ARHGAP20: variants seen among roughly 807,000 people sequenced by gnomAD.
ARHGAP20 encodes the protein Rho GTPase activating protein 20.
ARHGAP20 carries 34 observed loss-of-function variants against 73.7 expected under a neutral mutation model. The ratio of observed to expected loss-of-function variants is 0.46; its 90% confidence interval spans 0.35 to 0.61. ARHGAP20 has a LOEUF of 0.61. ARHGAP20 is among the 20% of genes least tolerant of loss of function. The pLI is 0.00. For synonymous variants in ARHGAP20, 523 were observed against 518.2 expected, an observed-to-expected ratio of 1.01 and a Z score of -0.13; for missense variants, 1,314 against 1,420.9, an observed-to-expected ratio of 0.92 and a Z score of 1.21.
intron 12 of ARHGAP20, among the ~76,000 whole-genome samples, chr11:110,584,974 T>TATATGAATATGA (rs1555082429): frequency 1.6e-5 from 1 of 63,044 alleles, no homozygotes; most frequent in Admixed American, 1.7e-4. Context: ...AATATATGAA[T>TATATGAATATGA]ATATATGTGA....
intron 2 of ARHGAP20, among the ~76,000 whole-genome samples, chr11:110,670,985 C>T (rs1035614079): frequency 2.6e-5 from 4 of 151,952 alleles, no homozygotes; most frequent in African/African-American, 9.7e-5. Flanking sequence ...AGAAAAAGTA[C>T]TCTAGGTAAA....
intron 1 of ARHGAP20, among the ~76,000 whole-genome samples, chr11:110,709,500 A>G (rs1271726472): frequency 1.3e-5 from 2 of 152,218 alleles, no homozygotes. Context: ...TAAGATGACA[A>G]TAAAGCAGAA....
In ARHGAP20 at chr11:110,712,248, C is replaced by CA; in HGVS notation, c.-18dup. On this transcript the variant is annotated 5_prime_UTR_variant, in exon 1 of 15. Transcript: ENST00000683387. Reference sequence around the variant, plus strand: ...CGCTTCCATGAAGAAAATCTTCAAACAAATCCCAGCCCAGGAGGAGGCTAC... The same window carrying CA: ...CGCTTCCATGAAGAAAATCTTCAAACAAAATCCCAGCCCAGGAGGAGGCTAC... 1 of 1,327,918 alleles carries CA rather than the reference C, an allele frequency of 7.5e-7. No homozygotes were observed. Among genetic ancestry groups the CA allele is most frequent in the Non-Finnish European group, 9.7e-7 (1 of 1,030,096 alleles). The allele number at this position is 1,327,918 out of a possible 1,614,324, so 82.3% of individuals were successfully genotyped here.
At position 110,703,404 on chromosome 11, in the gene ARHGAP20, T is replaced by A. The variant is rs796590933; in HGVS notation, c.105+8723A>T. On this transcript the variant is annotated intron_variant, in intron 1 of 14. Coordinates refer to ENST00000683387, the MANE Select transcript of ARHGAP20 (RefSeq NM_001384657.1). Reference sequence around the variant, plus strand: ...TAATTCTGGACCCTAGTTCTACCACTTAATTTCTCAGATTTTCTCTAAAAT... The same window carrying A: ...TAATTCTGGACCCTAGTTCTACCACATAATTTCTCAGATTTTCTCTAAAAT... 1.1e-4 allele frequency among the ~76,000 whole-genome samples: 17 copies of A among 152,202 alleles called. 1 individual carries two copies. Among genetic ancestry groups the A allele is most frequent in the African/African-American group, 4.1e-4 (17 of 41,542 alleles).
chr11:110,596,675 A>C (rs1447866562), intron 9 of ARHGAP20, among the ~76,000 whole-genome samples: 4 of 152,120 alleles, frequency 2.6e-5, no homozygotes, highest in East Asian at 1.9e-4. Flanking sequence ...AAACAGGAAC[A>C]CTTTTACACT....
intron 13 of ARHGAP20, among the ~76,000 whole-genome samples, chr11:110,582,676 T>C (rs138923579): frequency 2.2e-3 from 329 of 152,364 alleles, no homozygotes; most frequent in African/African-American, 7.6e-3. Context: ...TAATGTTTTA[T>C]ACCAATGGCT....
intron 11 of ARHGAP20, among the ~76,000 whole-genome samples, chr11:110,588,494 G>A (rs941022486): frequency 6.6e-6 from 1 of 152,138 alleles, no homozygotes; most frequent in Non-Finnish European, 1.5e-5. Flanking sequence ...TAAAACAAAA[G>A]CTTAAGAACT....
Position 110,648,192 on chromosome 11 carries a change from AAT to A in ARHGAP20, c.189-17402_189-17401del, listed in dbSNP as rs1367387535. On this transcript the variant is annotated intron_variant, in intron 2 of 14. Coordinates refer to ENST00000683387, the MANE Select transcript of ARHGAP20 (RefSeq NM_001384657.1). ...ATGTAAATATATATATATATATGTA[AAT>A]ATATATATATATGTAAATATATATA... Among the ~76,000 whole-genome samples the A allele has an allele frequency of 8.7e-3, 1,052 of 120,248 alleles. 12 individuals carry two copies. The highest frequency in any genetic ancestry group is 0.025 in the African/African-American group (706 of 28,216). The allele number at this position is 120,248 out of a possible 152,430, so 78.9% of individuals were successfully genotyped here. A position where few individuals can be genotyped will look rare whatever the true frequency, so the allele number is the denominator to read the frequency against.
At chr11:110,599,772 C>A (rs1376464133) in intron 9 of ARHGAP20, among the ~76,000 whole-genome samples, 1 of 145,300 alleles carries the variant, frequency 6.9e-6, no homozygotes, top group African/African-American at 2.8e-5. Flanking sequence ...AGAGGACTAC[C>A]CACTACAGGG....
At chr11:110,670,125 A>C (rs1368257030) in intron 2 of ARHGAP20, among the ~76,000 whole-genome samples, 1 of 152,112 alleles carries the variant, frequency 6.6e-6, no homozygotes, top group Admixed American at 6.5e-5. Flanking sequence ...GGTTATGAAA[A>C]TGTTCATTAT....
chr11:110,580,989 G>GT lies in ARHGAP20; in HGVS notation c.1956dup (p.Arg653ThrfsTer4). The GT allele has an allele frequency of 6.2e-7, 1 of 1,614,174 alleles. No homozygotes were observed. The highest frequency in any genetic ancestry group is 1.1e-5 in the South Asian group (1 of 91,084). On this transcript the variant is annotated frameshift_variant, in exon 15 of 15. Coordinates refer to ENST00000683387, the MANE Select transcript of ARHGAP20 (RefSeq NM_001384657.1). LOFTEE classifies it low-confidence loss of function (END_TRUNC). ...TTCACCGGCTTGGATTCAAGAGGCC[G>GT]TTTCATTTGAACATCTTCATCTTTA...
intron 13 of ARHGAP20, 39 bp from the exon 14 acceptor site, chr11:110,582,474 T>C: frequency 7.7e-7 from 1 of 1,293,048 alleles, no homozygotes; most frequent in Non-Finnish European, 1.1e-6. Flanking sequence ...ACTTTTCATA[T>C]TACATGTTTA....
chr11:110,650,553 C>T (rs1262236109), intron 2 of ARHGAP20, among the ~76,000 whole-genome samples: 1 of 152,092 alleles, frequency 6.6e-6, no homozygotes, highest in African/African-American at 2.4e-5. Context: ...CTTATCTGCT[C>T]CCATTCTCTA....
chr11:110,646,562 TA>T (rs1030145681), intron 2 of ARHGAP20, among the ~76,000 whole-genome samples: 5 of 151,868 alleles, frequency 3.3e-5, no homozygotes, highest in East Asian at 1.9e-4. Flanking sequence ...TTCTCAGAAA[TA>T]AAAAAAACAT....
In ARHGAP20 at chr11:110,693,919, A is replaced by G. The variant is rs75179682; in HGVS notation, c.106-3290T>C. Among the ~76,000 whole-genome samples, 8 of 151,970 alleles carry G rather than the reference A, an allele frequency of 5.3e-5. No homozygotes were observed. The East Asian group carries it at 1.2e-3, about 22-fold the overall frequency. ...AGGTAAACTTCAAACAGTATATAGT[A>G]TATATTTTCTGTTGTACTTGATGTT... On this transcript the variant is annotated intron_variant, in intron 1 of 14. Coordinates refer to ENST00000683387, the MANE Select transcript of ARHGAP20 (RefSeq NM_001384657.1).
Position 110,592,041 on chromosome 11 carries a change from C to T in ARHGAP20, c.1079G>A (p.Gly360Glu), listed in dbSNP as rs1000144846. 1.9e-6 allele frequency: 3 copies of T among 1,614,096 alleles called. No individual in the cohort carries two copies. The highest frequency in any genetic ancestry group is 1.1e-5 in the South Asian group (1 of 91,074). The stretch of plus-strand genomic sequence containing the variant: ...TGGCAGAGAAATTCCAAAGAGCTGT[C>T]CTGGCATAGGTGATGTTGGCGATGA... ...LPSSPTSPMP[G>E]QLFGISLPNI... The change falls in exon 10 of 15, where the codon GGA (glycine) becomes GAA (glutamate). Residue 360 changes from glycine (G) to glutamate (E), a missense_variant. Transcript: ENST00000683387.
At position 110,580,107 on chromosome 11, in the gene ARHGAP20, C is replaced by T. The variant is rs536733608; in HGVS notation, c.2839G>A (p.Gly947Ser). 63 of 1,614,128 alleles carry T rather than the reference C, an allele frequency of 3.9e-5. No individual in the cohort carries two copies. The Middle Eastern group carries it at 4.9e-4, about 13-fold the overall frequency. The change falls in exon 15 of 15, where the codon GGC (glycine) becomes AGC (serine). Residue 947 changes from glycine to serine, a missense_variant. Transcript: ENST00000683387. The part of the protein sequence containing the change: ...SLSSPGTSPS[G>S]SSVSSQDSAF... ...CTGTCTTGGGAGCTTACTGATGAGC[C>T]GGATGGGGAAGTGCCTGGGGAGGAT...
At chr11:110,707,863 G>GTT (rs67937014) in intron 1 of ARHGAP20, among the ~76,000 whole-genome samples, 1 of 142,644 alleles carries the variant, frequency 7.0e-6, no homozygotes, top group Admixed American at 7.0e-5. Context: ...TCATTTTTTT[G>GTT]TTTTTTTTTT....
intron 2 of ARHGAP20, among the ~76,000 whole-genome samples, chr11:110,644,987 GAACA>G (rs1949155899): frequency 9.0e-6 from 1 of 110,544 alleles, no homozygotes; most frequent in African/African-American, 3.6e-5. Context: ...CAAAGGACAT[GAACA>G]GACACTTCTC....
Sources: gnomAD v4.1 joint callset for allele counts (sites outside exome capture counted in the v4.1 genomes callset) on GRCh38, gnomAD v4.1.1 for gene constraint, MANE v1.5 for transcripts, NCBI Gene and HGNC (gene_info 2026-07-23, HGNC 2026-07-21) for gene names.